The following ABCE1 variants were observed in gnomAD, a reference collection of about 807,000 sequenced individuals.
ABCE1 encodes ATP-binding cassette sub-family E member 1.
Under a neutral mutation model 83.4 loss-of-function variants are expected in ABCE1, and 22 were observed. The ratio of observed to expected loss-of-function variants is 0.26; its 90% CI spans 0.19 to 0.38. ABCE1 has a LOEUF of 0.38. Ranked by LOEUF, ABCE1 falls within the 10% of genes least tolerant of loss-of-function variation. The pLI is 1.00. For missense variants in ABCE1, 330 were observed against 721.9 expected, an observed-to-expected ratio of 0.46 and a Z score of 6.22; for synonymous variants, 204 against 233.7, an observed-to-expected ratio of 0.87 and a Z score of 1.16.
At chr4:145,122,951 C>G in intron 13 of ABCE1, 70 bp from the exon 14 acceptor site, 1 of 1,089,832 alleles carries the variant, frequency 9.2e-7, no homozygotes, top group Non-Finnish European at 1.3e-6. Flanking sequence ...TTAACTTTGT[C>G]AAGATTCATA....
At chr4:145,125,281 A>G (rs758670400) in intron 17 of ABCE1, among the ~76,000 whole-genome samples, 180 bp downstream of exon 17, 2 of 152,168 alleles carry the variant, frequency 1.3e-5, no homozygotes, top group Non-Finnish European at 2.9e-5. Flanking sequence ...CAGCCTGGCC[A>G]ACATGGTGCA....
chr4:145,104,589 C>A, intron 2 of ABCE1, 74 bp downstream of exon 2: 1 of 951,960 alleles, frequency 1.1e-6, no homozygotes, highest in Non-Finnish European at 1.5e-6. Context: ...TAATTCTTTA[C>A]GGACATTAAC....
Position 145,110,989 on chromosome 4 carries a change from G to A in ABCE1, c.635G>A (p.Arg212Gln). The change falls in exon 8 of 18, where the codon CGA becomes CAA. Residue 212 changes from arginine (R) to glutamine (Q), a missense_variant. Arg to Gln is a conservative substitution (Grantham distance 43, BLOSUM62 1). Coordinates refer to ENST00000296577, the MANE Select transcript of ABCE1 (RefSeq NM_002940.3). ...GTAGATTTAACCCACCTAAAAGAAC[G>A]AAATGTTGAAGATCTTTCAGGAGGA... ...QQLDLTHLKERNVEDLSGGEL... is the reference protein window; with the variant it reads ...QQLDLTHLKEQNVEDLSGGEL... 1.2e-6 allele frequency: 2 copies of A among 1,611,092 alleles called. No homozygotes were observed. Among genetic ancestry groups the A allele is most frequent in the Non-Finnish European group, 1.7e-6 (2 of 1,179,044 alleles).
intron 1 of ABCE1, among the ~76,000 whole-genome samples, chr4:145,102,820 T>G (rs1029426015): frequency 6.6e-6 from 1 of 152,088 alleles, no homozygotes; most frequent in Non-Finnish European, 1.5e-5. Flanking sequence ...GGTTGGAGAA[T>G]GGAGTATTTG....
intron 2 of ABCE1, 44 bp from the exon 3 acceptor site, chr4:145,105,561 G>T: frequency 7.2e-7 from 1 of 1,391,608 alleles, no homozygotes; most frequent in Non-Finnish European, 1.0e-6. Context: ...CGGAAAATTA[G>T]AAGATCAAAG....
At chr4:145,127,113 A>G (rs2126717582) in intron 17 of ABCE1, among the ~76,000 whole-genome samples, 1 of 152,282 alleles carries the variant, frequency 6.6e-6, no homozygotes, top group South Asian at 2.1e-4. Flanking sequence ...GTTACTGGCC[A>G]GTATTGGAAA....
At chr4:145,101,169 G>A (rs1560955475) in intron 1 of ABCE1, among the ~76,000 whole-genome samples, 2 of 152,074 alleles carry the variant, frequency 1.3e-5, no homozygotes, top group African/African-American at 2.4e-5. Flanking sequence ...TGTATTTTTC[G>A]GTAGTGTATA....
chr4:145,116,441 A>T (rs1345022826), intron 9 of ABCE1, among the ~76,000 whole-genome samples: 2 of 151,970 alleles, frequency 1.3e-5, no homozygotes, highest in Non-Finnish European at 2.9e-5. Flanking sequence ...TAAACAAAAT[A>T]TCAGTGGGAA....
Position 145,108,203 on chromosome 4 carries a change from G to A in ABCE1, c.287+91G>A. ...AGAAGTGCAGAAATTGGGGGGAAATGCTATTAACCAGTCACTAAAGGAAAA... is the reference window on the plus strand; with the variant it reads ...AGAAGTGCAGAAATTGGGGGGAAATACTATTAACCAGTCACTAAAGGAAAA... On this transcript the variant is annotated intron_variant, in intron 4 of 17. Coordinates refer to ENST00000296577, the MANE Select transcript of ABCE1 (RefSeq NM_002940.3). 3 of 1,104,556 alleles carry A rather than the reference G, an allele frequency of 2.7e-6. No homozygotes were observed. In the South Asian group the frequency reaches 3.9e-5, roughly 14 times the overall value. The allele number at this position is 1,104,556 out of a possible 1,614,324, so 68.4% of individuals were successfully genotyped here.
At chr4:145,121,431 T>C in intron 13 of ABCE1, 40 bp downstream of exon 13, 1 of 1,433,030 alleles carries the variant, frequency 7.0e-7, no homozygotes, top group Non-Finnish European at 9.8e-7. Context: ...AAGAAAATTT[T>C]GTATATATGC....
Position 145,128,409 on chromosome 4 carries a change from G to A in ABCE1, c.*836G>A, listed in dbSNP as rs1749951492. 1 of 152,270 alleles carries A rather than the reference G, an allele frequency of 6.6e-6. No individual in the cohort carries two copies. Among genetic ancestry groups the A allele is most frequent in the Non-Finnish European group, 1.5e-5 (1 of 68,012 alleles). The allele number at this position is 152,270 out of a possible 1,614,324, so 9.4% of individuals were successfully genotyped here. A position where few individuals can be genotyped will look rare whatever the true frequency, so the allele number is the denominator to read the frequency against. ...TACAGACTCGAAATCTTTAAAGATG[G>A]TGCCTAAGCATCTATGTATTTTTTT... On this transcript the variant is annotated 3_prime_UTR_variant, in exon 18 of 18. Coordinates refer to ENST00000296577, the MANE Select transcript of ABCE1 (RefSeq NM_002940.3).
At position 145,123,547 on chromosome 4, in the gene ABCE1, G is replaced by A. The variant is rs200407090; in HGVS notation, c.1587G>A (p.Ala529=). The A allele has an allele frequency of 1.3e-4, 215 of 1,607,138 alleles. No individual in the cohort carries two copies. The highest frequency in any genetic ancestry group is 2.1e-4 in the African/African-American group (16 of 74,936). ...ACTTCATCATGGCCACCTATCTAGCGGATCGCGTCATCGTTTTTGATGGTG... is the reference window on the plus strand; with the variant it reads ...ACTTCATCATGGCCACCTATCTAGCAGATCGCGTCATCGTTTTTGATGGTG... ...EHDFIMATYL[A]DRVIVFDGVP... Residue 529 remains alanine (A), a synonymous_variant, in exon 16 of 18, where the codon GCG becomes GCA. Coordinates refer to ENST00000296577, the MANE Select transcript of ABCE1 (RefSeq NM_002940.3).
chr4:145,109,380 A>T (rs779225094), intron 5 of ABCE1, 131 bp downstream of exon 5: 4 of 532,664 alleles, frequency 7.5e-6, no homozygotes, highest in Non-Finnish European at 1.3e-5. Context: ...AGAAATTTAT[A>T]AACAAAGCTC....
At chr4:145,102,468 G>A (rs1749178897) in intron 1 of ABCE1, among the ~76,000 whole-genome samples, 1 of 152,172 alleles carries the variant, frequency 6.6e-6, no homozygotes, top group Non-Finnish European at 1.5e-5. Context: ...ATGTCTTCTA[G>A]TGTACAAATG....
rs1466260310 is a variant in ABCE1 at position 145,129,442 on chromosome 4, C to A, written c.*1869C>A. On this transcript the variant is annotated 3_prime_UTR_variant, in exon 18 of 18. Transcript: ENST00000296577. Reference sequence around the variant, plus strand: ...AAAAAGTCTCAAATACTTAAAAAAACAAAAAACTGGAACAGTTTATTATAC... The same window carrying A: ...AAAAAGTCTCAAATACTTAAAAAAAAAAAAAACTGGAACAGTTTATTATAC... Among the ~76,000 whole-genome samples, 1 of 151,560 alleles carries A rather than the reference C, an allele frequency of 6.6e-6. No homozygotes were observed. Among genetic ancestry groups the A allele is most frequent in the Non-Finnish European group, 1.5e-5 (1 of 67,848 alleles).
At chr4:145,101,255 G>A (rs1749148976) in intron 1 of ABCE1, among the ~76,000 whole-genome samples, 1 of 152,054 alleles carries the variant, frequency 6.6e-6, no homozygotes, top group Non-Finnish European at 1.5e-5. Context: ...AACTCTCTAG[G>A]GGGAATAGCA....
At position 145,127,635 on chromosome 4, in the gene ABCE1, C is replaced by G; in HGVS notation, c.*62C>G. ...AGGAGTATTTACTAGAATTTTTTGT[C>G]ATATAAAACTTGAATCAGGATTTTA... On this transcript the variant is annotated 3_prime_UTR_variant, in exon 18 of 18. Transcript: ENST00000296577. 1 of 1,340,794 alleles carries G rather than the reference C, an allele frequency of 7.5e-7. No individual in the cohort carries two copies. Among genetic ancestry groups the G allele is most frequent in the Non-Finnish European group, 1.0e-6 (1 of 992,030 alleles). 83.1% of individuals were successfully genotyped at this position (1,340,794 alleles called of 1,614,324 possible).
In ABCE1 at chr4:145,123,337, G is replaced by A; in HGVS notation, c.1497G>A (p.Met499Ile). ...SAYLDSEQRL[M>I]AARVVKRFIL... ...ATTTGGATTCTGAGCAAAGACTGAT[G>A]GCAGCTCGAGTTGTCAAACGGTAAA... Residue 499 changes from methionine (M) to isoleucine (I), a missense_variant, in exon 15 of 18, where the codon ATG becomes ATA. By Grantham distance (10) the Met-to-Ile change is conservative (BLOSUM62 1). Transcript: ENST00000296577. 1 of 1,607,390 alleles carries A rather than the reference G, an allele frequency of 6.2e-7. No homozygotes were observed. Among genetic ancestry groups the A allele is most frequent in the Non-Finnish European group, 8.5e-7 (1 of 1,177,110 alleles).
At position 145,118,292 on chromosome 4, in the gene ABCE1, C is replaced by T. The variant is rs150266929; in HGVS notation, c.922+878C>T. 4.1e-4 allele frequency among the ~76,000 whole-genome samples: 61 copies of T among 147,964 alleles called. No homozygotes were observed. In the East Asian group the frequency reaches 0.012, roughly 29 times the overall value. On this transcript the variant is annotated intron_variant, in intron 10 of 17. Coordinates refer to ENST00000296577, the MANE Select transcript of ABCE1 (RefSeq NM_002940.3). ...TAATCTTGGAGGAATCTTTTTTATA[C>T]CTAAAAGCTCTTTTGGAAAAATAAA...
Sources: gnomAD v4.1 joint callset for allele counts (sites outside exome capture counted in the v4.1 genomes callset) on GRCh38, gnomAD v4.1.1 for gene constraint, MANE v1.5 for transcripts, NCBI Gene and HGNC (gene_info 2026-07-23, HGNC 2026-07-21) for gene names.